Variants in SEMA5B observed in about 807,000 individuals in gnomAD.
SEMA5B encodes the protein semaphorin-5B.
Under a neutral mutation model 135.0 loss-of-function variants are expected in SEMA5B, and 66 were observed. The observed-to-expected ratio is 0.49, with a 90% CI of 0.40 to 0.60. SEMA5B has a LOEUF of 0.60. Among genes scored for constraint, SEMA5B ranks in the 20% least tolerant of loss-of-function variants. The pLI is 0.00. For synonymous variants in SEMA5B, 690 were observed against 639.5 expected, an observed-to-expected ratio of 1.08 and a Z score of -1.19; for missense variants, 1,501 against 1,566.3, an observed-to-expected ratio of 0.96 and a Z score of 0.70.
At chr3:122,942,860 C>T (rs1939619029) in intron 4 of SEMA5B, among the ~76,000 whole-genome samples, 1 of 152,218 alleles carries the variant, frequency 6.6e-6, no homozygotes, top group South Asian at 2.1e-4. Context: ...CCCTCCCTAC[C>T]AGAGCCAATG....
intron 1 of SEMA5B, among the ~76,000 whole-genome samples, chr3:122,965,207 G>T (rs561376374): frequency 1.3e-5 from 2 of 152,312 alleles, no homozygotes; most frequent in African/African-American, 2.4e-5. Context: ...ATACAAGGAA[G>T]TCCCCAGCTC....
chr3:122,990,040 G>A (rs978546898), intron 1 of SEMA5B, among the ~76,000 whole-genome samples: 2 of 152,146 alleles, frequency 1.3e-5, no homozygotes, highest in African/African-American at 4.8e-5. Context: ...TACCAGAATC[G>A]AGCATCATTA....
rs544249808 is a variant in SEMA5B at position 122,987,613 on chromosome 3, A to C, written c.-38-26312T>G. Among the ~76,000 whole-genome samples the C allele has an allele frequency of 7.2e-5, 11 of 152,338 alleles. 1 individual carries two copies. Among genetic ancestry groups the C allele is most frequent in the Admixed American group, 5.2e-4 (8 of 15,298 alleles). ...CTCTCCCCAGAGGCTCGGAAAGGGC[A>C]GGAGTGTTTATGCTGCTGGGGCAGC... On this transcript the variant is annotated intron_variant, in intron 1 of 22. Transcript: ENST00000357599.
At chr3:122,971,586 T>A (rs1419075641) in intron 1 of SEMA5B, among the ~76,000 whole-genome samples, 1 of 152,170 alleles carries the variant, frequency 6.6e-6, no homozygotes, top group African/African-American at 2.4e-5. Context: ...AAGAATAAGG[T>A]CTTATTTACC....
intron 2 of SEMA5B, among the ~76,000 whole-genome samples, chr3:122,959,162 T>C (rs1299250679): frequency 6.6e-6 from 1 of 152,138 alleles, no homozygotes; most frequent in African/African-American, 2.4e-5. Context: ...ATAACAACCA[T>C]GTTATTGTGT....
At chr3:122,952,309 C>T (rs1560352786) in intron 2 of SEMA5B, among the ~76,000 whole-genome samples, 1 of 152,156 alleles carries the variant, frequency 6.6e-6, no homozygotes, top group Non-Finnish European at 1.5e-5. Flanking sequence ...CCCACCAACC[C>T]CTTTTCCTGA....
intron 2 of SEMA5B, among the ~76,000 whole-genome samples, chr3:122,955,338 T>C (rs1006261287): frequency 1.3e-5 from 2 of 152,238 alleles, no homozygotes; most frequent in African/African-American, 2.4e-5. Flanking sequence ...AAGTTATTTT[T>C]ATCTAACAGG....
At chr3:122,930,596 G>A (rs909047160) in intron 5 of SEMA5B, among the ~76,000 whole-genome samples, 24 of 152,252 alleles carry the variant, frequency 1.6e-4, no homozygotes, top group African/African-American at 4.8e-4. Flanking sequence ...GACCGCATGA[G>A]CAAAGGGTCC....
At position 122,961,316 on chromosome 3, in the gene SEMA5B, T is replaced by C; in HGVS notation, c.-38-15A>G. The C allele has an allele frequency of 6.2e-7, 1 of 1,611,098 alleles. No individual in the cohort carries two copies. Among genetic ancestry groups the C allele is most frequent in the Non-Finnish European group, 8.5e-7 (1 of 1,178,300 alleles). ...GGAACCACTCACTGAAGGGGGAGAA[T>C]TTTGGGTAAGTCATGGATACATGAT... is the stretch of plus-strand genomic sequence containing the variant. On this transcript the variant is annotated splice_polypyrimidine_tract_variant and intron_variant, in intron 1 of 22. Transcript: ENST00000357599.
chr3:122,965,771 A>G (rs1940790810), intron 1 of SEMA5B, among the ~76,000 whole-genome samples: 1 of 152,246 alleles, frequency 6.6e-6, no homozygotes, highest in Non-Finnish European at 1.5e-5. Flanking sequence ...CACTTATTTA[A>G]TTAGAGTGGG....
chr3:122,911,138 G>C (rs1287717918), intron 21 of SEMA5B, 93 bp from the exon 22 acceptor site: 12 of 1,173,390 alleles, frequency 1.0e-5, no homozygotes, highest in Non-Finnish European at 1.4e-5. Context: ...GCAACAGGAG[G>C]CTCTGAGGCA....
Position 122,911,964 on chromosome 3 carries a change from C to G in SEMA5B, c.3002G>C (p.Gly1001Ala), listed in dbSNP as rs569415512. 1 of 1,611,740 alleles carries G rather than the reference C, an allele frequency of 6.2e-7. No homozygotes were observed. Among genetic ancestry groups the G allele is most frequent in the South Asian group, 1.1e-5 (1 of 90,836 alleles). ...ELLPGSSACAGNSSQSRPCPY... is the reference protein window; with the variant it reads ...ELLPGSSACAANSSQSRPCPY... ...GCAGGGGCGGCTCTGGCTGCTGTTT[C>G]CAGCACAGGCGCTGGACCCTGGGAG... The change falls in exon 20 of 23, where the codon GGA becomes GCA. Residue 1001 changes from glycine to alanine, a missense_variant. Physicochemically the swap from Gly to Ala is moderately conservative, Grantham distance 60. Around this residue, in one of 2 missense-constraint regions of SEMA5B, gnomAD observed 927 missense variants for 881.6 expected, o/e 1.05. Transcript: ENST00000357599.
At chr3:122,997,838 CT>C (rs1942062026) in intron 1 of SEMA5B, among the ~76,000 whole-genome samples, 1 of 152,190 alleles carries the variant, frequency 6.6e-6, no homozygotes, top group Non-Finnish European at 1.5e-5. Flanking sequence ...GACCCTGCCC[CT>C]GCCCCACACC....
At chr3:123,006,451 C>A (rs1942312990) in intron 1 of SEMA5B, among the ~76,000 whole-genome samples, 1 of 152,330 alleles carries the variant, frequency 6.6e-6, no homozygotes, top group East Asian at 1.9e-4. Flanking sequence ...GTTAGTAAAG[C>A]TTTCCCATAC....
intron 5 of SEMA5B, among the ~76,000 whole-genome samples, chr3:122,932,835 C>T (rs755600911): frequency 3.3e-5 from 5 of 152,176 alleles, no homozygotes; most frequent in African/African-American, 7.2e-5. Flanking sequence ...CCTCTTGCCT[C>T]AGCCTTCCAA....
At chr3:122,919,506 CT>C (rs1262585475) in intron 12 of SEMA5B, among the ~76,000 whole-genome samples, 1 of 152,058 alleles carries the variant, frequency 6.6e-6, no homozygotes, top group East Asian at 1.9e-4. Context: ...AGGAGGGAGC[CT>C]GAAGAGGCCT....
chr3:122,984,906 G>A (rs1941647081), intron 1 of SEMA5B, among the ~76,000 whole-genome samples: 1 of 152,060 alleles, frequency 6.6e-6, no homozygotes, highest in Non-Finnish European at 1.5e-5. Flanking sequence ...ATTTCCCCCT[G>A]TTTCTCCCAA....
Position 122,957,106 on chromosome 3 carries a change from C to T in SEMA5B, c.124+4034G>A, listed in dbSNP as rs1940357131. Among the ~76,000 whole-genome samples the T allele has an allele frequency of 2.0e-5, 3 of 152,190 alleles. No individual in the cohort carries two copies. The South Asian group carries it at 6.2e-4, about 31-fold the overall frequency. On this transcript the variant is annotated intron_variant, in intron 2 of 22. Coordinates refer to ENST00000357599, the MANE Select transcript of SEMA5B (RefSeq NM_001031702.4). ...GGACCGAGGCCAAATCACAGTGAGACTTGAGCACAAACCTAAAGATTCAGG... is the reference window on the plus strand; with the variant it reads ...GGACCGAGGCCAAATCACAGTGAGATTTGAGCACAAACCTAAAGATTCAGG...
At chr3:123,005,262 A>G (rs945038754) in intron 1 of SEMA5B, among the ~76,000 whole-genome samples, 10 of 152,162 alleles carry the variant, frequency 6.6e-5, no homozygotes, top group South Asian at 2.1e-4. Context: ...TCTGTCACCT[A>G]TTAAAGGACA....
Sources: gnomAD v4.1 joint callset for allele counts (sites outside exome capture counted in the v4.1 genomes callset) on GRCh38, gnomAD v4.1.1 for gene constraint, gnomAD v4.1.1 regional missense constraint, MANE v1.5 for transcripts, NCBI Gene and HGNC (gene_info 2026-07-23, HGNC 2026-07-21) for gene names.